The following NLGN1 variants were observed in gnomAD, a reference collection of about 807,000 sequenced individuals.
The protein encoded by NLGN1 is neuroligin 1, also known as neuroligin-1.
NLGN1 carries 12 observed loss-of-function variants against 65.5 expected under a neutral mutation model. The ratio of observed to expected loss-of-function variants is 0.18; its 90% confidence interval spans 0.12 to 0.30. The LOEUF (loss-of-function observed/expected upper bound fraction) is 0.30. Ranked by LOEUF, NLGN1 falls within the 10% of genes least tolerant of loss-of-function variation. The pLI is 1.00. For missense variants in NLGN1, 750 were observed against 1,007.1 expected, an observed-to-expected ratio of 0.74 and a Z score of 3.46; for synonymous variants, 350 against 359.5, an observed-to-expected ratio of 0.97 and a Z score of 0.30.
At chr3:174,282,584 T>G (rs1751668871) in exon 7 of NLGN1, 1 of 152,212 alleles carries the variant, frequency 6.6e-6, no homozygotes, top group South Asian at 2.1e-4. Context: ...TAGTCTTTCT[T>G]ACACATATGT....
chr3:174,232,228 T>G (rs12631289), intron 4 of NLGN1, among the ~76,000 whole-genome samples: 72,736 of 151,694 alleles, frequency 0.48, 18,261 homozygotes, highest in African/African-American at 0.64. Context: ...CAGAGTGGGG[T>G]TCACAAGGTG....
chr3:173,977,625 T>A (rs182510878), intron 4 of NLGN1, among the ~76,000 whole-genome samples: 1 of 152,032 alleles, frequency 6.6e-6, no homozygotes, highest in East Asian at 1.9e-4. Flanking sequence ...CCTGGAAGTC[T>A]AGTGGTGCTA....
At chr3:174,132,883 T>C (rs1720475331) in intron 4 of NLGN1, among the ~76,000 whole-genome samples, 1 of 152,202 alleles carries the variant, frequency 6.6e-6, no homozygotes, top group Non-Finnish European at 1.5e-5. Context: ...AAGGATCTAC[T>C]AGGGTCACTC....
intron 4 of NLGN1, among the ~76,000 whole-genome samples, chr3:174,245,837 A>C (rs1361254601): frequency 6.6e-6 from 1 of 152,154 alleles, no homozygotes; most frequent in Non-Finnish European, 1.5e-5. Context: ...TTGTCTCTGA[A>C]AGTCTCCTAT....
intron 4 of NLGN1, among the ~76,000 whole-genome samples, chr3:174,233,914 A>T (rs1258026826): frequency 2.0e-5 from 3 of 152,182 alleles, no homozygotes; most frequent in Non-Finnish European, 4.4e-5. Context: ...TTACATACTA[A>T]TTTCTAACTT....
intron 4 of NLGN1, among the ~76,000 whole-genome samples, chr3:173,871,244 G>T (rs887959441): frequency 3.9e-5 from 6 of 152,114 alleles, no homozygotes; most frequent in Non-Finnish European, 8.8e-5. Flanking sequence ...TTATCTGGCT[G>T]TTGATCTGTA....
At chr3:173,626,643 T>C (rs77674842) in intron 3 of NLGN1, among the ~76,000 whole-genome samples, 1 of 152,202 alleles carries the variant, frequency 6.6e-6, no homozygotes, top group East Asian at 1.9e-4. Context: ...CTGGAACTAG[T>C]GTTTACTATA....
At chr3:173,621,405 G>C (rs1753963283) in intron 3 of NLGN1, among the ~76,000 whole-genome samples, 2 of 152,088 alleles carry the variant, frequency 1.3e-5, no homozygotes, top group African/African-American at 2.4e-5. Context: ...CAGTTGATTA[G>C]AGCACATAAA....
intron 3 of NLGN1, among the ~76,000 whole-genome samples, chr3:173,759,801 A>G (rs1407592359): frequency 6.6e-6 from 1 of 151,938 alleles, no homozygotes; most frequent in African/African-American, 2.4e-5. Flanking sequence ...TTTTGTATAT[A>G]ATACAAAATA....
At chr3:173,682,206 G>A (rs1031174295) in intron 3 of NLGN1, among the ~76,000 whole-genome samples, 7 of 152,008 alleles carry the variant, frequency 4.6e-5, no homozygotes, top group African/African-American at 1.7e-4. Context: ...TTCATTTAGT[G>A]ACTAAATTCA....
In NLGN1 at chr3:173,901,365, G is replaced by C. The variant is rs537704609; in HGVS notation, c.646+93533G>C. On this transcript the variant is annotated intron_variant, in intron 4 of 6. Transcript: ENST00000457714. ...TATTTGAAAAACTAGTATTTTTTTT[G>C]GGGGGGTGTGTGTGTGTGTGTTTAA... is the stretch of plus-strand genomic sequence containing the variant. Among the ~76,000 whole-genome samples, 1,094 of 141,546 alleles carry C rather than the reference G, an allele frequency of 7.7e-3. 25 individuals carry two copies. Among genetic ancestry groups the C allele is most frequent in the African/African-American group, 0.029 (1,041 of 35,966 alleles). The allele number at this position is 141,546 out of a possible 152,430, so 92.9% of individuals were successfully genotyped here. A position where few individuals can be genotyped will look rare whatever the true frequency, so the allele number is the denominator to read the frequency against.
intron 4 of NLGN1, among the ~76,000 whole-genome samples, chr3:174,045,715 A>G (rs1002557167): frequency 2.0e-5 from 3 of 152,180 alleles, no homozygotes; most frequent in Non-Finnish European, 4.4e-5. Context: ...ATTCCTCTAA[A>G]TGGTAGCTCA....
chr3:173,412,724 C>CA (rs927476809), intron 1 of NLGN1, among the ~76,000 whole-genome samples: 5 of 151,952 alleles, frequency 3.3e-5, no homozygotes, highest in East Asian at 1.9e-4. Context: ...TGAACAACCA[C>CA]AAAAAAAGCC....
chr3:173,933,051 C>G (rs560226802), intron 4 of NLGN1, among the ~76,000 whole-genome samples: 2 of 152,210 alleles, frequency 1.3e-5, no homozygotes, highest in South Asian at 4.1e-4. Context: ...CAAGCAAACT[C>G]TGAGACAGGC....
At position 173,960,197 on chromosome 3, in the gene NLGN1, A is replaced by G. The variant is rs1713199850; in HGVS notation, c.646+152365A>G. ...TTTTCTTCTTTACAGTGTATTCATT[A>G]CTTCCTACAATACGGGCTCTCTTTT... On this transcript the variant is annotated intron_variant, in intron 4 of 6. Coordinates refer to ENST00000457714, the Ensembl canonical transcript of NLGN1. Among the ~76,000 whole-genome samples, 6 of 151,920 alleles carry G rather than the reference A, an allele frequency of 3.9e-5. No individual in the cohort carries two copies. In the South Asian group the frequency reaches 1.2e-3, roughly 31 times the overall value.
intron 4 of NLGN1, among the ~76,000 whole-genome samples, chr3:173,918,294 T>C (rs1354092992): frequency 6.6e-6 from 1 of 152,152 alleles, no homozygotes; most frequent in Non-Finnish European, 1.5e-5. Context: ...TACAGTTCTC[T>C]GTAGCTTGCT....
At chr3:173,840,806 T>G (rs1724627525) in intron 4 of NLGN1, among the ~76,000 whole-genome samples, 1 of 152,192 alleles carries the variant, frequency 6.6e-6, no homozygotes, top group South Asian at 2.1e-4. Context: ...CACTATTTTC[T>G]TAACCACAGT....
At chr3:174,290,697 T>A (rs191148544), downstream of NLGN1, among the ~76,000 whole-genome samples, 2,190 of 143,538 alleles carry the variant, frequency 0.015, 52 homozygotes, top group African/African-American at 0.059. Flanking sequence ...GGATAGAAAA[T>A]TCCTGTAGTT....
At chr3:173,619,303 A>G (rs1202687020) in intron 3 of NLGN1, among the ~76,000 whole-genome samples, 1 of 152,166 alleles carries the variant, frequency 6.6e-6, no homozygotes, top group Non-Finnish European at 1.5e-5. Flanking sequence ...AAAAAAAGAC[A>G]TGTTGTAACT....
Sources: gnomAD v4.1 joint callset for allele counts (sites outside exome capture counted in the v4.1 genomes callset) on GRCh38, gnomAD v4.1.1 for gene constraint, MANE v1.5 for transcripts, NCBI Gene and HGNC (gene_info 2026-07-23, HGNC 2026-07-21) for gene names.